Variants in TTLL7 observed in about 807,000 individuals in gnomAD.
TTLL7 encodes tubulin tyrosine ligase like 7.
TTLL7 carries 53 observed loss-of-function variants against 120.2 expected under a neutral mutation model. That is an observed-to-expected ratio of 0.44 (90% CI 0.35 to 0.55). The LOEUF (loss-of-function observed/expected upper bound fraction) is 0.55, where lower values mean the gene tolerates loss of function less well. TTLL7 is among the 20% of genes least tolerant of loss of function. The pLI, the probability that TTLL7 is intolerant of heterozygous loss-of-function variation, is 0.00. For missense variants in TTLL7, 803 were observed against 1,054.7 expected (o/e 0.76, Z 3.31); for synonymous variants, 353 against 351.7 (o/e 1.00, Z -0.04).
At chr1:83,929,347 A>T in intron 9 of TTLL7, 117 bp from the exon 10 acceptor site, 2 of 663,418 alleles carry the variant, frequency 3.0e-6, no homozygotes, top group South Asian at 2.2e-5. Context: ...TCAAAGCTTT[A>T]CATGGCAGAT....
At chr1:83,899,409 G>A (rs2100748599) in intron 18 of TTLL7, among the ~76,000 whole-genome samples, 1 of 152,030 alleles carries the variant, frequency 6.6e-6, no homozygotes, top group Admixed American at 6.6e-5. Flanking sequence ...TTCTTTCACA[G>A]CCTAGGAGTA....
chr1:83,907,814 G>C lies in TTLL7; in HGVS notation c.1787-153C>G, dbSNP rs551016392. Among the ~76,000 whole-genome samples, 8 of 152,198 alleles carry C rather than the reference G, an allele frequency of 5.3e-5. No individual in the cohort carries two copies. In the East Asian group the frequency reaches 1.6e-3, roughly 29 times the overall value. Reference sequence around the variant, plus strand: ...GCATCATCATGAGAATATGAGTTTGGAATACACTTTTCAACAACAGTGAAC... The same window carrying C: ...GCATCATCATGAGAATATGAGTTTGCAATACACTTTTCAACAACAGTGAAC... On this transcript the variant is annotated intron_variant, in intron 15 of 20. Transcript: ENST00000260505.
intron 1 of TTLL7, among the ~76,000 whole-genome samples, chr1:83,953,556 A>C (rs1044426558): frequency 2.4e-4 from 36 of 152,288 alleles, no homozygotes; most frequent in Non-Finnish European, 1.0e-4. Context: ...TGTCTAGTAT[A>C]ATTCAATATC....
chr1:83,874,152 A>C (rs1351933023), intron 20 of TTLL7, among the ~76,000 whole-genome samples: 1 of 151,744 alleles, frequency 6.6e-6, no homozygotes. Context: ...CTTCCTTCCT[A>C]CCCCAGTAAT....
chr1:83,913,319 C>T (rs1461717728), intron 14 of TTLL7, among the ~76,000 whole-genome samples: 1 of 152,130 alleles, frequency 6.6e-6, no homozygotes. Flanking sequence ...GCCTATCACC[C>T]AGCTTAATAA....
intron 20 of TTLL7, among the ~76,000 whole-genome samples, chr1:83,870,667 T>G (rs1405637483): frequency 6.6e-6 from 1 of 152,056 alleles, no homozygotes. Flanking sequence ...TCCCAGCACT[T>G]TGGGAGGCTG....
rs1557545017 is a variant in TTLL7 at position 83,886,457 on chromosome 1, T to A, written c.2370-3321A>T. Among the ~76,000 whole-genome samples the A allele has an allele frequency of 2.6e-5, 4 of 151,966 alleles. No individual in the cohort carries two copies. In the South Asian group the frequency reaches 8.3e-4, roughly 32 times the overall value. ...ATGACCTAAAAAGTATAACAACACA[T>A]CCAATTGAAAGTGATATGAAAACAG... On this transcript the variant is annotated intron_variant, in intron 19 of 20. Transcript: ENST00000260505.
chr1:83,995,360 T>A (rs1330531507), intron 1 of TTLL7, among the ~76,000 whole-genome samples: 1 of 151,834 alleles, frequency 6.6e-6, no homozygotes, highest in Non-Finnish European at 1.5e-5. Context: ...GACATATCCA[T>A]CATGAATGGC....
At chr1:83,948,495 T>C in intron 5 of TTLL7, 133 bp downstream of exon 5, 1 of 610,560 alleles carries the variant, frequency 1.6e-6, no homozygotes, top group East Asian at 2.9e-5. Flanking sequence ...CTAAGACCTC[T>C]CTAGCTCCAA....
intron 1 of TTLL7, among the ~76,000 whole-genome samples, chr1:83,976,033 CTGTGTGTGTG>C (rs34596192): frequency 0.1 from 14,932 of 147,566 alleles, 834 homozygotes; most frequent in Middle Eastern, 0.14. Context: ...TTGTCTCTCT[CTGTGTGTGTG>C]TGTGTGTGTG....
chr1:83,937,863 T>A lies in TTLL7; in HGVS notation c.877A>T (p.Ser293Cys). The A allele has an allele frequency of 6.2e-7, 1 of 1,613,994 alleles. No individual in the cohort carries two copies. Among genetic ancestry groups the A allele is most frequent in the Non-Finnish European group, 8.5e-7 (1 of 1,179,906 alleles). Residue 293 changes from serine to cysteine, a missense_variant, in exon 8 of 21, where the codon AGT becomes TGT. Coordinates refer to ENST00000260505, the MANE Select transcript of TTLL7 (RefSeq NM_024686.6). ...ANQHDVAKFW[S>C]DISELVVKTL... is the part of the protein sequence containing the mutation. ...TGGCATAATCTTACTGAAATATCAC[T>A]CCAAAACTTAGCAACATCATGTTGA...
At chr1:83,947,418 A>C in intron 5 of TTLL7, 136 bp from the exon 6 acceptor site, 1 of 766,424 alleles carries the variant, frequency 1.3e-6, no homozygotes, top group South Asian at 1.9e-5. Context: ...GATTTCATTC[A>C]TTCAACAAAT....
chr1:83,910,130 T>C (rs867305886), intron 15 of TTLL7, among the ~76,000 whole-genome samples: 4 of 152,280 alleles, frequency 2.6e-5, no homozygotes, highest in South Asian at 4.1e-4. Flanking sequence ...TAGAGAATAA[T>C]GTATAAACAA....
At chr1:83,890,183 T>C (rs1359968013) in intron 19 of TTLL7, 138 bp downstream of exon 19, 3 of 805,316 alleles carry the variant, frequency 3.7e-6, no homozygotes, top group Non-Finnish European at 5.8e-6. Context: ...ATATAAATTA[T>C]AGTTGAGTAC....
At chr1:83,986,282 G>T (rs1364497721) in intron 1 of TTLL7, among the ~76,000 whole-genome samples, 1 of 152,146 alleles carries the variant, frequency 6.6e-6, no homozygotes. Flanking sequence ...GACAAAGTGA[G>T]ATTTATTTCA....
intron 1 of TTLL7, among the ~76,000 whole-genome samples, chr1:83,966,102 C>T (rs1348528560): frequency 6.6e-6 from 1 of 152,096 alleles, no homozygotes; most frequent in Non-Finnish European, 1.5e-5. Flanking sequence ...ACGAAATTAA[C>T]ATTTAAATCA....
At chr1:83,976,217 A>G (rs1041079171) in intron 1 of TTLL7, among the ~76,000 whole-genome samples, 4 of 152,104 alleles carry the variant, frequency 2.6e-5, no homozygotes, top group African/African-American at 7.2e-5. Flanking sequence ...TTTCTAACTT[A>G]CATATACTTA....
chr1:83,990,316 C>T (rs1312688160), intron 1 of TTLL7, among the ~76,000 whole-genome samples: 1 of 152,010 alleles, frequency 6.6e-6, no homozygotes, highest in African/African-American at 2.4e-5. Flanking sequence ...GCTGGGACTA[C>T]AGGCGCCCGC....
chr1:83,919,259 A>AGTGTGTGTGTGT (rs111745254), intron 13 of TTLL7, among the ~76,000 whole-genome samples: 47 of 147,052 alleles, frequency 3.2e-4, no homozygotes, highest in Admixed American at 2.0e-3. Context: ...TACAGATTAG[A>AGTGTGTGTGTGT]GTGTGTGTGT....
Sources: allele counts gnomAD v4.1 joint callset (sites outside exome capture counted in the v4.1 genomes callset), GRCh38; gene constraint gnomAD v4.1.1; transcripts MANE v1.5; gene names NCBI Gene and HGNC (gene_info 2026-07-23, HGNC 2026-07-21).